Variants in RALYL observed in about 807,000 individuals in gnomAD.
The protein encoded by RALYL is RALY RNA binding protein like, also known as RNA-binding Raly-like protein.
RALYL carries 29 observed loss-of-function variants against 35.1 expected under a neutral mutation model. The ratio of observed to expected loss-of-function variants is 0.83; its 90% confidence interval spans 0.61 to 1.13. RALYL has a LOEUF of 1.13. Among genes scored for constraint, RALYL ranks in the 50% most tolerant of loss-of-function variants. The pLI is 0.00. For synonymous variants in RALYL, 120 were observed against 127.6 expected, an observed-to-expected ratio of 0.94 and a Z score of 0.40; for missense variants, 359 against 360.4, an observed-to-expected ratio of 1.00 and a Z score of 0.03.
At chr8:84,463,008 A>G (rs1398595825) in intron 1 of RALYL, among the ~76,000 whole-genome samples, 22 of 151,972 alleles carry the variant, frequency 1.4e-4, no homozygotes, top group Admixed American at 1.4e-3. Flanking sequence ...ATTATACTGA[A>G]GCTAAAAGTA....
At chr8:84,263,496 C>A (rs1044182074) in intron 1 of RALYL, among the ~76,000 whole-genome samples, 1 of 152,198 alleles carries the variant, frequency 6.6e-6, no homozygotes, top group African/African-American at 2.4e-5. Flanking sequence ...CAAATTCCCT[C>A]ATTCTGAATG....
At chr8:84,227,174 C>T (rs371388128) in intron 1 of RALYL, among the ~76,000 whole-genome samples, 4 of 148,842 alleles carry the variant, frequency 2.7e-5, no homozygotes, top group South Asian at 2.1e-4. Context: ...GATTTTCCTG[C>T]CTCAGCCTCC....
At chr8:84,554,037 G>A (rs973607525) in intron 2 of RALYL, among the ~76,000 whole-genome samples, 1 of 152,036 alleles carries the variant, frequency 6.6e-6, no homozygotes, top group Admixed American at 6.5e-5. Flanking sequence ...CCCTAATAGA[G>A]TTTTATTTTC....
intron 1 of RALYL, among the ~76,000 whole-genome samples, chr8:84,217,908 A>G (rs1437515): frequency 0.26 from 40,064 of 152,044 alleles, 5,498 homozygotes; most frequent in African/African-American, 0.32. Context: ...TTTTAAAAAC[A>G]TACATGTGAA....
intron 1 of RALYL, among the ~76,000 whole-genome samples, chr8:84,407,417 A>G (rs994157735): frequency 2.0e-5 from 3 of 152,200 alleles, no homozygotes; most frequent in Admixed American, 2.0e-4. Context: ...AGTAGAGACA[A>G]TGAGTGAATG....
intron 1 of RALYL, among the ~76,000 whole-genome samples, chr8:84,308,871 G>A (rs140391643): frequency 6.6e-6 from 1 of 151,778 alleles, no homozygotes; most frequent in East Asian, 1.9e-4. Context: ...CTAAAATAAG[G>A]CATTCTTATA....
chr8:84,583,467 G>A (rs1313366795), intron 2 of RALYL, among the ~76,000 whole-genome samples: 1 of 152,092 alleles, frequency 6.6e-6, no homozygotes, highest in Admixed American at 6.5e-5. Context: ...ATAATTTTCA[G>A]ATATCATGTT....
intron 8 of RALYL, among the ~76,000 whole-genome samples, chr8:84,908,838 T>C (rs1847007660): frequency 6.6e-6 from 1 of 151,594 alleles, no homozygotes; most frequent in African/African-American, 2.4e-5. Context: ...TGAATGATAT[T>C]CTGACTGGAT....
At chr8:84,453,226 A>G (rs1192096891) in intron 1 of RALYL, among the ~76,000 whole-genome samples, 1 of 151,900 alleles carries the variant, frequency 6.6e-6, no homozygotes, top group Middle Eastern at 3.2e-3. Context: ...ATATACACAC[A>G]TATATAATTA....
At chr8:84,649,754 G>A (rs1210567864) in intron 2 of RALYL, among the ~76,000 whole-genome samples, 22 of 152,074 alleles carry the variant, frequency 1.4e-4, no homozygotes, top group African/African-American at 4.6e-4. Context: ...GGATTGACTT[G>A]GTGATGTGGG....
chr8:84,719,796 C>A (rs989193498), intron 2 of RALYL, among the ~76,000 whole-genome samples: 2 of 151,974 alleles, frequency 1.3e-5, no homozygotes, highest in African/African-American at 4.8e-5. Flanking sequence ...ATTCAAAATT[C>A]TCTCTTCCAC....
intron 1 of RALYL, among the ~76,000 whole-genome samples, chr8:84,432,811 A>G (rs1311563335): frequency 1.3e-5 from 2 of 152,072 alleles, no homozygotes; most frequent in Non-Finnish European, 2.9e-5. Context: ...AGCCTCCTCC[A>G]GAAGCTAAAA....
At chr8:84,546,076 G>A (rs2060334085) in intron 2 of RALYL, among the ~76,000 whole-genome samples, 1 of 152,136 alleles carries the variant, frequency 6.6e-6, no homozygotes, top group African/African-American at 2.4e-5. Flanking sequence ...GTGAGAAGGA[G>A]GAAGTGGCAG....
At chr8:84,866,684 G>T (rs1388052119) in intron 6 of RALYL, among the ~76,000 whole-genome samples, 1 of 151,972 alleles carries the variant, frequency 6.6e-6, no homozygotes, top group Non-Finnish European at 1.5e-5. Context: ...AACAGTGTCG[G>T]CTAATATAAA....
At chr8:84,732,459 T>C (rs1244663485) in intron 2 of RALYL, among the ~76,000 whole-genome samples, 3 of 151,900 alleles carry the variant, frequency 2.0e-5, no homozygotes, top group Non-Finnish European at 2.9e-5. Context: ...TTTTGACATA[T>C]AGAAAGTACT....
At chr8:84,894,254 TTC>T (rs1844364421) in intron 8 of RALYL, among the ~76,000 whole-genome samples, 1 of 152,190 alleles carries the variant, frequency 6.6e-6, no homozygotes, top group Non-Finnish European at 1.5e-5. Context: ...TCAACTGCGC[TTC>T]TCTTTCTTTT....
At chr8:84,268,441 T>C (rs992831220) in intron 1 of RALYL, among the ~76,000 whole-genome samples, 6 of 152,164 alleles carry the variant, frequency 3.9e-5, no homozygotes, top group African/African-American at 1.2e-4. Context: ...TTTCAGGAAA[T>C]AGAGTAAGCT....
intron 1 of RALYL, among the ~76,000 whole-genome samples, chr8:84,323,601 T>C (rs772737821): frequency 2.7e-4 from 41 of 152,108 alleles, no homozygotes; most frequent in Non-Finnish European, 5.7e-4. Context: ...TGCATTTCAA[T>C]GCACAGTGTT....
At chr8:84,570,729 G>T (rs1041918527) in intron 2 of RALYL, among the ~76,000 whole-genome samples, 1 of 151,818 alleles carries the variant, frequency 6.6e-6, no homozygotes, top group African/African-American at 2.4e-5. Flanking sequence ...ATTTGCCATG[G>T]ATGGCTCTTA....
Sources: allele counts gnomAD v4.1 joint callset (sites outside exome capture counted in the v4.1 genomes callset), GRCh38; gene constraint gnomAD v4.1.1; transcripts MANE v1.5; gene names NCBI Gene and HGNC (gene_info 2026-07-23, HGNC 2026-07-21).